Variants in LRRTM4 observed in about 807,000 individuals in gnomAD.
LRRTM4 encodes leucine-rich repeat transmembrane neuronal protein 4.
LRRTM4 carries 25 observed loss-of-function variants against 47.6 expected under a neutral mutation model. The observed-to-expected ratio is 0.53, with a 90% confidence interval of 0.38 to 0.73. The LOEUF (loss-of-function observed/expected upper bound fraction) is 0.73, where lower values mean the gene tolerates loss of function less well. Among genes scored for constraint, LRRTM4 ranks in the 30% least tolerant of loss-of-function variants. LRRTM4 has a pLI of 0.00. For missense variants in LRRTM4, 638 were observed against 713.4 expected, an observed-to-expected ratio of 0.89 and a Z score of 1.20; for synonymous variants, 311 against 269.5, an observed-to-expected ratio of 1.15 and a Z score of -1.51.
intron 3 of LRRTM4, among the ~76,000 whole-genome samples, chr2:76,840,152 G>A (rs1671629949): frequency 2.0e-5 from 3 of 152,162 alleles, no homozygotes; most frequent in Non-Finnish European, 2.9e-5. Flanking sequence ...GAAGTATAAC[G>A]TGAAGACAGG....
At chr2:76,980,520 A>T (rs1573398394) in intron 3 of LRRTM4, among the ~76,000 whole-genome samples, 1 of 152,214 alleles carries the variant, frequency 6.6e-6, no homozygotes, top group East Asian at 1.9e-4. Context: ...ATTCAAGAAA[A>T]GAGAAGACAG....
At chr2:77,433,911 T>C (rs1175605710) in intron 3 of LRRTM4, among the ~76,000 whole-genome samples, 1 of 152,174 alleles carries the variant, frequency 6.6e-6, no homozygotes, top group Non-Finnish European at 1.5e-5. Context: ...GCTTTCTGTC[T>C]TGCATTTTAA....
intron 3 of LRRTM4, among the ~76,000 whole-genome samples, chr2:76,864,821 G>T (rs1325311390): frequency 7.0e-6 from 1 of 143,612 alleles, no homozygotes; most frequent in Non-Finnish European, 1.5e-5. Flanking sequence ...CAACCTCCCG[G>T]GCTCAAGTGA....
chr2:77,089,987 C>A (rs969182384), intron 3 of LRRTM4, among the ~76,000 whole-genome samples: 9 of 152,106 alleles, frequency 5.9e-5, no homozygotes, highest in African/African-American at 2.2e-4. Flanking sequence ...AGTACTAACC[C>A]CAAGCATCGC....
In LRRTM4 at chr2:76,748,811, C is replaced by G; in HGVS notation, c.1657G>C (p.Val553Leu). Reference protein sequence around the residue: ...PLHVTKGYETVSPEQDESPGL... With the variant: ...PLHVTKGYETLSPEQDESPGL... ...GGGCTTTCGTCCTGCTCTGGAGACA[C>G]TGTCTCATAGCCCTTGGTGACATGG... The change falls in exon 4 of 4, where the codon GTG (valine) becomes CTG (leucine). Residue 553 changes from valine (V) to leucine (L), a missense_variant. Val to Leu is a conservative substitution (Grantham distance 32). Transcript: ENST00000409884. 6.2e-7 allele frequency: 1 copy of G among 1,614,058 alleles called. No homozygotes were observed. The highest frequency in any genetic ancestry group is 8.5e-7 in the Non-Finnish European group (1 of 1,179,910).
At chr2:76,804,937 AT>A (rs1675894477) in intron 3 of LRRTM4, among the ~76,000 whole-genome samples, 1 of 151,930 alleles carries the variant, frequency 6.6e-6, no homozygotes, top group Non-Finnish European at 1.5e-5. Context: ...AACTTTGACA[AT>A]TTTCTAAATA....
intron 3 of LRRTM4, among the ~76,000 whole-genome samples, chr2:77,319,462 A>T (rs1030368511): frequency 6.6e-6 from 1 of 151,784 alleles, no homozygotes. Context: ...CTGCTACTTG[A>T]TTTCACTCAA....
intron 3 of LRRTM4, among the ~76,000 whole-genome samples, chr2:76,783,889 G>C (rs1215946692): frequency 1.3e-5 from 2 of 152,074 alleles, no homozygotes; most frequent in African/African-American, 4.8e-5. Flanking sequence ...TGTATGATTT[G>C]ACAGTATAAA....
rs767143448 is a variant in LRRTM4, at chr2:77,518,768, G to A, written c.1101C>T (p.Asn367=). Residue 367 remains asparagine, a synonymous_variant, in exon 3 of 4, where the codon AAC becomes AAT. Transcript: ENST00000409884. ...YNICSEVQVV[N]TERSHLVPQT... is the part of the protein sequence containing the mutation. Reference sequence around the variant, plus strand: ...GGGGCACCAGGTGTGATCTTTCTGTGTTGACCACCTGGACTTCAGAACAGA... The same window carrying A: ...GGGGCACCAGGTGTGATCTTTCTGTATTGACCACCTGGACTTCAGAACAGA... 8 of 1,613,176 alleles carry A rather than the reference G, an allele frequency of 5.0e-6. No individual in the cohort carries two copies. The highest frequency in any genetic ancestry group is 5.9e-6 in the Non-Finnish European group (7 of 1,179,544).
At position 77,069,691 on chromosome 2, in the gene LRRTM4, A is replaced by G. The variant is rs1250660327; in HGVS notation, c.1552-320775T>C. 1.1e-4 allele frequency among the ~76,000 whole-genome samples: 16 copies of G among 151,746 alleles called. No homozygotes were observed. The East Asian group carries it at 1.4e-3, about 13-fold the overall frequency. On this transcript the variant is annotated intron_variant, in intron 3 of 3. Coordinates refer to ENST00000409884, the MANE Select transcript of LRRTM4 (RefSeq NM_001134745.3). The stretch of plus-strand genomic sequence containing the variant: ...TTCCTTCCTAGTTATGTACAGCTTC[A>G]TAGCCAGCCACGAGAGCACAGGGCC...
intron 3 of LRRTM4, among the ~76,000 whole-genome samples, chr2:76,981,690 G>T (rs1177916757): frequency 6.6e-6 from 1 of 151,770 alleles, no homozygotes. Context: ...AAGGAGTCTC[G>T]TTATTTTGCC....
chr2:76,893,888 A>G (rs1453867547), intron 3 of LRRTM4, among the ~76,000 whole-genome samples: 3 of 151,924 alleles, frequency 2.0e-5, no homozygotes, highest in Admixed American at 6.6e-5. Context: ...TACATGTCTC[A>G]TATGTTTAAC....
At chr2:77,006,362 A>G (rs1326271238) in intron 3 of LRRTM4, among the ~76,000 whole-genome samples, 1 of 152,184 alleles carries the variant, frequency 6.6e-6, no homozygotes, top group Non-Finnish European at 1.5e-5. Flanking sequence ...TAAATCACAT[A>G]CTAAAGAGAT....
chr2:76,898,299 A>T (rs1673493265), intron 3 of LRRTM4, among the ~76,000 whole-genome samples: 1 of 152,168 alleles, frequency 6.6e-6, no homozygotes, highest in South Asian at 2.1e-4. Context: ...TATCCAATTT[A>T]TCCTATCAAA....
intron 3 of LRRTM4, among the ~76,000 whole-genome samples, chr2:77,218,787 C>T (rs1312638704): frequency 1.3e-5 from 2 of 151,980 alleles, no homozygotes; most frequent in Non-Finnish European, 2.9e-5. Context: ...TTTTGCAGCT[C>T]CATTTGTGCA....
At chr2:77,278,811 C>T (rs1676434222) in intron 3 of LRRTM4, among the ~76,000 whole-genome samples, 1 of 151,884 alleles carries the variant, frequency 6.6e-6, no homozygotes, top group Non-Finnish European at 1.5e-5. Context: ...TATCCTTTGG[C>T]AAGTATTAGA....
chr2:76,825,971 C>A (rs184189863), intron 3 of LRRTM4, among the ~76,000 whole-genome samples: 9 of 151,730 alleles, frequency 5.9e-5, no homozygotes, highest in African/African-American at 2.2e-4. Flanking sequence ...ACCACAAAAG[C>A]CTGAACATTG....
intron 3 of LRRTM4, among the ~76,000 whole-genome samples, chr2:76,752,469 C>A (rs892002297): frequency 6.6e-6 from 1 of 152,112 alleles, no homozygotes; most frequent in Non-Finnish European, 1.5e-5. Flanking sequence ...AAAGAGGGCT[C>A]ATGTCATTTT....
chr2:76,998,400 G>T (rs1416984499), intron 3 of LRRTM4, among the ~76,000 whole-genome samples: 1 of 152,096 alleles, frequency 6.6e-6, no homozygotes, highest in Non-Finnish European at 1.5e-5. Context: ...TACAGCTGGG[G>T]TTAATAATGA....
Sources: gnomAD v4.1 joint callset for allele counts (sites outside exome capture counted in the v4.1 genomes callset) on GRCh38, gnomAD v4.1.1 for gene constraint, MANE v1.5 for transcripts, NCBI Gene and HGNC (gene_info 2026-07-23, HGNC 2026-07-21) for gene names.